Variants in EIF5 observed in about 807,000 individuals in gnomAD.
EIF5 encodes the protein eukaryotic translation initiation factor 5.
EIF5 carries 10 observed loss-of-function variants against 48.3 expected under a neutral mutation model. The observed-to-expected ratio is 0.21, with a 90% CI of 0.13 to 0.35. The LOEUF (loss-of-function observed/expected upper bound fraction) is 0.35, where lower values mean the gene tolerates loss of function less well. Ranked by LOEUF, EIF5 falls within the 10% of genes least tolerant of loss-of-function variation. The pLI, the probability that EIF5 is intolerant of heterozygous loss-of-function variation, is 1.00. For missense variants in EIF5, 397 were observed against 533.2 expected (o/e 0.74, Z 2.51); for synonymous variants, 237 against 173.1 (o/e 1.37, Z -2.90).
Position 103,339,796 on chromosome 14 carries a change from C to T in EIF5, c.1064C>T (p.Ser355Leu). ...GAAGAAGAGGTCATCATCAGCTGGT[C>T]GGAAAAGGTGGGGAATACATAGGTG... ...LLEEEVIISW[S>L]EKASKKYVSK... The change falls in exon 10 of 12, where the codon TCG becomes TTG. Residue 355 changes from serine to leucine, a missense_variant. Ser to Leu is a moderately radical substitution (Grantham distance 145, BLOSUM62 -2). Transcript: ENST00000216554. The T allele has an allele frequency of 3.7e-6, 6 of 1,613,814 alleles. No individual in the cohort carries two copies. Among genetic ancestry groups the T allele is most frequent in the Non-Finnish European group, 5.1e-6 (6 of 1,179,924 alleles).
At chr14:103,337,082 A>G in intron 5 of EIF5, 34 bp from the exon 6 acceptor site, 2 of 1,576,272 alleles carry the variant, frequency 1.3e-6, no homozygotes, top group Non-Finnish European at 1.7e-6. Flanking sequence ...TTTTCATGTT[A>G]TATTATGGAT....
At position 103,339,330 on chromosome 14, in the gene EIF5, A is replaced by G. The variant is rs755220141; in HGVS notation, c.903A>G (p.Leu301=). Reference sequence around the variant, plus strand: ...TTAAGAAATACAGGCGCCATTTCCTACGAGTAAGCAAAGTGCTCTGGATTC... The same window carrying G: ...TTAAGAAATACAGGCGCCATTTCCTGCGAGTAAGCAAAGTGCTCTGGATTC... ...EQIKKYRRHF[L]RFCHNNKKAQ... Residue 301 remains leucine (L), a synonymous_variant, in exon 9 of 12, where the codon CTA becomes CTG. Transcript: ENST00000216554. 3.8e-6 allele frequency: 6 copies of G among 1,588,236 alleles called. No homozygotes were observed. The highest frequency in any genetic ancestry group is 5.1e-6 in the Non-Finnish European group (6 of 1,173,272).
chr14:103,340,591 A>C (rs750297116), intron 11 of EIF5, 30 bp downstream of exon 11: 5 of 1,599,396 alleles, frequency 3.1e-6, no homozygotes, highest in Non-Finnish European at 4.3e-6. Flanking sequence ...GGTATTGGAT[A>C]CAGTGCTGGC....
At chr14:103,337,768 ATTCTGCTGG>A in intron 6 of EIF5, 1 of 446,612 alleles carries the variant, frequency 2.2e-6, no homozygotes, top group East Asian at 5.7e-5. Context: ...AATGACTAAA[ATTCTGCTGG>A]AAACCCAGCA....
At position 103,336,644 on chromosome 14, in the gene EIF5, G is replaced by C. The variant is rs373277075; in HGVS notation, c.155-33G>C. 8.0e-5 allele frequency: 125 copies of C among 1,572,122 alleles called. No individual in the cohort carries two copies. In the African/African-American group the frequency reaches 1.6e-3, roughly 20 times the overall value. ...TGAGTAGCCAGAGATCTAGTTAACT[G>C]TAACGATCCAAACTCCTTTTTCATT... On this transcript the variant is annotated intron_variant, in intron 4 of 11. Transcript: ENST00000216554.
At position 103,335,856 on chromosome 14, in the gene EIF5, C is replaced by G; in HGVS notation, c.-5C>G. ...TCTTATTGATAAAGCCACTAATAAG[C>G]CAAAATGTCTGTCAATGTCAACCGC... On this transcript the variant is annotated 5_prime_UTR_variant, in exon 3 of 12. Coordinates refer to ENST00000216554, the MANE Select transcript of EIF5 (RefSeq NM_001969.5). The G allele has an allele frequency of 6.2e-7, 1 of 1,614,078 alleles. No homozygotes were observed.
chr14:103,337,330 C>A, intron 6 of EIF5, 103 bp downstream of exon 6: 1 of 960,072 alleles, frequency 1.0e-6, no homozygotes, highest in Non-Finnish European at 1.5e-6. Flanking sequence ...GGAGACTGGG[C>A]ACGGTGGCTC....
intron 1 of EIF5, 54 bp downstream of exon 1, chr14:103,334,314 C>G (rs1029390968): frequency 1.3e-5 from 2 of 152,288 alleles, no homozygotes; most frequent in Non-Finnish European, 2.9e-5. Flanking sequence ...CCCCTCGACC[C>G]CTCGGGCCGC....
Position 103,340,519 on chromosome 14 carries a change from A to G in EIF5, c.1164A>G (p.Glu388=), listed in dbSNP as rs555393945. The G allele has an allele frequency of 2.5e-5, 41 of 1,613,122 alleles. No individual in the cohort carries two copies. Among genetic ancestry groups the G allele is most frequent in the South Asian group, 4.4e-5 (4 of 91,072 alleles). ...AATGGTTGAAGGAGGCAGAGGAAGA[A>G]TCTTCTGGTGGCGAAGAAGAAGATG... ...FIKWLKEAEE[E]SSGGEEEDED... Residue 388 remains glutamate, a synonymous_variant, in exon 11 of 12, where the codon GAA becomes GAG. Coordinates refer to ENST00000216554, the MANE Select transcript of EIF5 (RefSeq NM_001969.5).
intron 10 of EIF5, 69 bp from the exon 11 acceptor site, chr14:103,340,358 G>A (rs758903003): frequency 6.5e-7 from 1 of 1,545,246 alleles, no homozygotes; most frequent in East Asian, 2.3e-5. Context: ...GCTCAGTAAG[G>A]GGGATTGTAT....
At position 103,335,633 on chromosome 14, in the gene EIF5, T is replaced by G. The variant is rs2089276203; in HGVS notation, c.-208-20T>G. 3 of 567,840 alleles carry G rather than the reference T, an allele frequency of 5.3e-6. No individual in the cohort carries two copies. Among genetic ancestry groups the G allele is most frequent in the Non-Finnish European group, 6.3e-6 (2 of 319,004 alleles). The allele number at this position is 567,840 out of a possible 1,614,324, so 35.2% of individuals were successfully genotyped here. On this transcript the variant is annotated intron_variant, in intron 2 of 11. Transcript: ENST00000216554. ...TAAACCTGGGGGGATTTTTGTGTGT[T>G]CTTTCCCTTTTTCTTTCAGAGCTGT...
chr14:103,338,081 T>G (rs2089310044), intron 6 of EIF5: 1 of 617,642 alleles, frequency 1.6e-6, no homozygotes, highest in East Asian at 2.9e-5. Context: ...TCACTTCATC[T>G]TACTCTTTCT....
rs772390386 is a variant in EIF5 at position 103,340,468 on chromosome 14, T to G, written c.1113T>G (p.Ile371Met). ...TCTCCAAAGAACTTGCCAAAGAGAT[T>G]CGTGTCAAAGCAGAACCATTTATAA... ...KYVSKELAKE[I>M]RVKAEPFIKW... Residue 371 changes from isoleucine (I) to methionine (M), a missense_variant, in exon 11 of 12, where the codon ATT becomes ATG. By Grantham distance (10) the Ile-to-Met change is conservative (BLOSUM62 1). Coordinates refer to ENST00000216554, the MANE Select transcript of EIF5 (RefSeq NM_001969.5). The G allele has an allele frequency of 1.2e-6, 2 of 1,609,416 alleles. No homozygotes were observed. Among genetic ancestry groups the G allele is most frequent in the Non-Finnish European group, 1.7e-6 (2 of 1,175,966 alleles).
Position 103,344,922 on chromosome 14 carries a change from A to G in EIF5, c.*3870A>G, listed in dbSNP as rs1344230500. ...ACCTAAAATGTGACAAAAGATGTTG[A>G]AAGGATGAAAAAAGGTATAGTAGAC... On this transcript the variant is annotated 3_prime_UTR_variant, in exon 12 of 12. Transcript: ENST00000216554. The G allele has an allele frequency of 6.6e-6, 1 of 152,238 alleles. No homozygotes were observed. The highest frequency in any genetic ancestry group is 1.9e-4 in the East Asian group (1 of 5,198). The allele number at this position is 152,238 out of a possible 1,614,324, so 9.4% of individuals were successfully genotyped here.
intron 4 of EIF5, 190 bp downstream of exon 4, chr14:103,336,307 C>A (rs572914838): frequency 6.0e-6 from 4 of 664,962 alleles, no homozygotes; most frequent in Non-Finnish European, 1.0e-5. Flanking sequence ...GATGGCTGGG[C>A]GCGTTGGCTC....
chr14:103,338,084 C>T, intron 6 of EIF5: 1 of 626,452 alleles, frequency 1.6e-6, no homozygotes, highest in South Asian at 1.7e-5. Flanking sequence ...CTTCATCTTA[C>T]TCTTTCTTAG....
chr14:103,344,450 T>G lies in EIF5; in HGVS notation c.*3398T>G, dbSNP rs1357816729. On this transcript the variant is annotated 3_prime_UTR_variant, in exon 12 of 12. Coordinates refer to ENST00000216554, the MANE Select transcript of EIF5 (RefSeq NM_001969.5). Reference sequence around the variant, plus strand: ...TTGACCCTGCAGTTCGGTTATGCAGTCAATTATTTCTTTTTAAGAGGAGGA... The same window carrying G: ...TTGACCCTGCAGTTCGGTTATGCAGGCAATTATTTCTTTTTAAGAGGAGGA... 1 of 152,214 alleles carries G rather than the reference T, an allele frequency of 6.6e-6. No homozygotes were observed. Among genetic ancestry groups the G allele is most frequent in the Admixed American group, 6.6e-5 (1 of 15,266 alleles). The allele number at this position is 152,214 out of a possible 1,614,324, so 9.4% of individuals were successfully genotyped here. A position where few individuals can be genotyped will look rare whatever the true frequency, so the allele number is the denominator to read the frequency against.
chr14:103,337,603 A>T (rs1016393942), intron 6 of EIF5: 1 of 325,210 alleles, frequency 3.1e-6, no homozygotes, highest in Non-Finnish European at 5.8e-6. Flanking sequence ...GTCTCAAAAA[A>T]ACAATATAAG....
intron 9 of EIF5, 51 bp downstream of exon 9, chr14:103,339,384 C>T (rs761794084): frequency 2.0e-5 from 31 of 1,549,960 alleles, no homozygotes; most frequent in African/African-American, 6.9e-5. Context: ...GTGTGGCTTT[C>T]GAGATGGTCA....
Sources: allele counts gnomAD v4.1 joint callset, GRCh38; gene constraint gnomAD v4.1.1; transcripts MANE v1.5; gene names NCBI Gene and HGNC (gene_info 2026-07-23, HGNC 2026-07-21).